The following PUS10 variants were observed in gnomAD, a reference collection of about 807,000 sequenced individuals.
PUS10 encodes tRNA pseudouridine synthase Pus10.
PUS10 carries 59 observed loss-of-function variants against 75.0 expected under a neutral mutation model. That is an observed-to-expected ratio of 0.79 (90% CI 0.64 to 0.98). The LOEUF (loss-of-function observed/expected upper bound fraction) is 0.98. Among genes scored for constraint, PUS10 ranks in the 50% least tolerant of loss-of-function variants. The pLI, the probability that PUS10 is intolerant of heterozygous loss-of-function variation, is 0.00. For synonymous variants in PUS10, 219 were observed against 211.6 expected (o/e 1.03, Z -0.30); for missense variants, 650 against 614.4 (o/e 1.06, Z -0.61).
chr2:61,007,547 T>C (rs1358333145), intron 3 of PUS10, among the ~76,000 whole-genome samples: 1 of 151,286 alleles, frequency 6.6e-6, no homozygotes, highest in Non-Finnish European at 1.5e-5. Flanking sequence ...GTCAGGCGGA[T>C]CACCTGAGGT....
chr2:61,013,135 C>T (rs945636671), intron 1 of PUS10, among the ~76,000 whole-genome samples: 2 of 151,702 alleles, frequency 1.3e-5, no homozygotes, highest in Non-Finnish European at 2.9e-5. Flanking sequence ...CACCTGTATT[C>T]CCAGCTACTC....
At chr2:60,962,737 T>G in intron 9 of PUS10, 89 bp downstream of exon 9, 2 of 1,486,000 alleles carry the variant, frequency 1.3e-6, no homozygotes, top group Non-Finnish European at 1.8e-6. Context: ...AAATACATCA[T>G]CTTGTTTCAG....
chr2:60,974,901 T>C (rs943294363), intron 4 of PUS10, among the ~76,000 whole-genome samples: 1 of 152,184 alleles, frequency 6.6e-6, no homozygotes, highest in Admixed American at 6.5e-5. Flanking sequence ...AGAACGAGCC[T>C]AGCGGGCTAG....
chr2:60,984,078 T>C (rs1317315039), intron 4 of PUS10, among the ~76,000 whole-genome samples: 1 of 152,092 alleles, frequency 6.6e-6, no homozygotes, highest in Non-Finnish European at 1.5e-5. Flanking sequence ...AACTATAATA[T>C]AATTGAAAGA....
At chr2:61,002,666 C>T (rs1678931116) in intron 4 of PUS10, among the ~76,000 whole-genome samples, 1 of 152,240 alleles carries the variant, frequency 6.6e-6, no homozygotes, top group African/African-American at 2.4e-5. Context: ...CACACTACTA[C>T]ATCTTTCCTC....
intron 4 of PUS10, among the ~76,000 whole-genome samples, chr2:60,995,457 T>C (rs1678391706): frequency 6.6e-6 from 1 of 152,192 alleles, no homozygotes; most frequent in African/African-American, 2.4e-5. Flanking sequence ...AATCATATCT[T>C]AGTAAGCTAG....
In PUS10 at chr2:60,965,097, C is replaced by A. The variant is rs770372811; in HGVS notation, c.684G>T (p.Ala228=). The change falls in exon 8 of 18, where the codon GCG becomes GCT. Residue 228 remains alanine, a synonymous_variant. Transcript: ENST00000316752. Reference sequence around the variant, plus strand: ...CTGGCTTAAAACAATCTGGGCATATCGCAGCTCTAAAATAAAATTCAAGTT... The same window carrying A: ...CTGGCTTAAAACAATCTGGGCATATAGCAGCTCTAAAATAAAATTCAAGTT... ...ETVEDCHFLA[A]ICPDCFKPAK... is the part of the protein sequence containing the mutation. 1.2e-6 allele frequency: 2 copies of A among 1,613,044 alleles called. No homozygotes were observed. Among genetic ancestry groups the A allele is most frequent in the African/African-American group, 2.7e-5 (2 of 74,830 alleles).
Position 60,965,131 on chromosome 2 carries a change from A to C in PUS10, c.678-28T>G. 1.9e-6 allele frequency: 3 copies of C among 1,592,362 alleles called. No individual in the cohort carries two copies. The South Asian group carries it at 3.4e-5, about 18-fold the overall frequency. ...AAAATAAAATTCAAGTTAATATAAA[A>C]GGTTAATGAGTTTATTTTGGGGTAG... On this transcript the variant is annotated intron_variant, in intron 7 of 17. Coordinates refer to ENST00000316752, the MANE Select transcript of PUS10 (RefSeq NM_144709.4).
chr2:61,017,946 TC>T (rs779404424), intron 1 of PUS10, 61 bp downstream of exon 1: 2 of 1,390,318 alleles, frequency 1.4e-6, no homozygotes, highest in South Asian at 1.3e-5. Flanking sequence ...GGTATTCCCT[TC>T]CCCCCTTTAA....
chr2:61,001,650 A>G (rs1368175574), intron 4 of PUS10, among the ~76,000 whole-genome samples: 6 of 152,206 alleles, frequency 3.9e-5, no homozygotes, highest in Admixed American at 3.9e-4. Context: ...CCAGGTTGGC[A>G]AAAAATTTAA....
chr2:60,946,977 A>C (rs1032373576), intron 16 of PUS10, among the ~76,000 whole-genome samples: 1 of 152,242 alleles, frequency 6.6e-6, no homozygotes, highest in African/African-American at 2.4e-5. Flanking sequence ...AAAACTAGGA[A>C]GACCTTCAAA....
At chr2:60,971,610 T>C in intron 4 of PUS10, 53 bp from the exon 5 acceptor site, 2 of 1,528,882 alleles carry the variant, frequency 1.3e-6, no homozygotes, top group Middle Eastern at 1.7e-4. Context: ...ACATGTTCAG[T>C]GAAATTAAGT....
At chr2:61,017,580 G>T in intron 1 of PUS10, 1 of 563,850 alleles carries the variant, frequency 1.8e-6, no homozygotes, top group Non-Finnish European at 3.2e-6. Context: ...CTACAAATTA[G>T]TGGCATCCTC....
In PUS10 at chr2:60,962,794, C is replaced by T. The variant is rs73932671; in HGVS notation, c.788+32G>A. 17,698 of 1,568,882 alleles carry T rather than the reference C, an allele frequency of 0.011. 1,873 individuals carry two copies. The African/African-American group carries it at 0.22, about 19-fold the overall frequency. On this transcript the variant is annotated intron_variant, in intron 9 of 17. Transcript: ENST00000316752. ...ACATTCCCTTTATTCTAAAATTTCA[C>T]GATGCTTCTTTGTTTCTAAACTTCT...
chr2:60,965,720 A>G (rs1381697345), intron 6 of PUS10: 1 of 326,246 alleles, frequency 3.1e-6, no homozygotes, highest in Non-Finnish European at 5.5e-6. Context: ...AAAAAGTTTT[A>G]AAATAAATGT....
intron 11 of PUS10, among the ~76,000 whole-genome samples, chr2:60,955,958 T>G (rs192862171): frequency 1.0e-3 from 156 of 152,242 alleles, no homozygotes; most frequent in Middle Eastern, 6.8e-3. Context: ...AAGGTTTGAC[T>G]CTAAGAAGCA....
intron 17 of PUS10, among the ~76,000 whole-genome samples, chr2:60,944,722 G>C (rs1161410218): frequency 6.6e-6 from 1 of 151,998 alleles, no homozygotes; most frequent in African/African-American, 2.4e-5. Flanking sequence ...AACGCAACAG[G>C]TATGGAAATG....
intron 10 of PUS10, among the ~76,000 whole-genome samples, chr2:60,960,843 T>TAAAAA (rs34578958): frequency 8.3e-6 from 1 of 120,662 alleles, no homozygotes. Context: ...ATACCAAGGA[T>TAAAAA]AAAAAAAAAA....
intron 4 of PUS10, 73 bp from the exon 5 acceptor site, chr2:60,971,630 A>C: frequency 2.9e-6 from 4 of 1,363,992 alleles, no homozygotes; most frequent in Non-Finnish European, 4.2e-6. Context: ...TCTCAATATC[A>C]TTACTGAAGT....
Sources: gnomAD v4.1 joint callset for allele counts (sites outside exome capture counted in the v4.1 genomes callset) on GRCh38, gnomAD v4.1.1 for gene constraint, MANE v1.5 for transcripts, NCBI Gene and HGNC (gene_info 2026-07-23, HGNC 2026-07-21) for gene names.